The following GOPC variants were observed in gnomAD, a reference collection of about 807,000 sequenced individuals.
GOPC encodes the protein golgi associated PDZ and coiled-coil motif containing.
GOPC carries 32 observed loss-of-function variants against 51.2 expected under a neutral mutation model. The observed-to-expected ratio is 0.63, with a 90% CI of 0.47 to 0.84. The LOEUF (loss-of-function observed/expected upper bound fraction) is 0.84. Among genes scored for constraint, GOPC ranks in the 40% least tolerant of loss-of-function variants. The probability of loss-of-function intolerance (pLI) is 0.00; values close to 1 mark genes in which losing one functional copy is unlikely to be tolerated. For synonymous variants in GOPC, 190 were observed against 205.1 expected, an observed-to-expected ratio of 0.93 and a Z score of 0.63; for missense variants, 441 against 555.5, an observed-to-expected ratio of 0.79 and a Z score of 2.07.
At chr6:117,593,239 C>T (rs1471619502) in intron 1 of GOPC, among the ~76,000 whole-genome samples, 3 of 152,080 alleles carry the variant, frequency 2.0e-5, no homozygotes, top group African/African-American at 7.2e-5. Flanking sequence ...GACGTGGGCT[C>T]CTATTTTACA....
At chr6:117,575,629 G>T in intron 3 of GOPC, 1 of 571,678 alleles carries the variant, frequency 1.7e-6, no homozygotes, top group African/African-American at 1.8e-5. Flanking sequence ...AGTAAAAGTG[G>T]CTTCAATGGA....
chr6:117,569,080 T>G lies in GOPC; in HGVS notation c.1077+492A>C, dbSNP rs573132857. On this transcript the variant is annotated intron_variant, in intron 7 of 8. Coordinates refer to ENST00000368498, the MANE Select transcript of GOPC (RefSeq NM_020399.4). The stretch of plus-strand genomic sequence containing the variant: ...TGCTTGGCAACTTTGAGTAAATCCT[T>G]TCATCGCTAAGAACTTTAGTTTACT... Among the ~76,000 whole-genome samples the G allele has an allele frequency of 7.2e-5, 11 of 152,314 alleles. No individual in the cohort carries two copies. In the South Asian group the frequency reaches 2.3e-3, roughly 32 times the overall value.
Position 117,566,969 on chromosome 6 carries a change from T to C in GOPC, c.1143A>G (p.Val381=), listed in dbSNP as rs1779710791. The change falls in exon 8 of 9, where the codon GTA becomes GTG. Residue 381 remains valine, a synonymous_variant. Coordinates refer to ENST00000368498, the MANE Select transcript of GOPC (RefSeq NM_020399.4). The part of the protein sequence containing the change: ...APEVDSDDEN[V]EYEDESGHRY... The stretch of plus-strand genomic sequence containing the variant: ...GATGTCCACTCTCATCTTCATACTC[T>C]ACGTTTTCATCATCAGAATCCACTT... 1.2e-6 allele frequency: 2 copies of C among 1,610,242 alleles called. No homozygotes were observed. The highest frequency in any genetic ancestry group is 1.7e-6 in the Non-Finnish European group (2 of 1,178,310).
intron 1 of GOPC, among the ~76,000 whole-genome samples, chr6:117,585,050 A>G (rs528362550): frequency 1.3e-5 from 2 of 152,276 alleles, no homozygotes; most frequent in South Asian, 4.1e-4. Flanking sequence ...TCCCCATTTG[A>G]TATTTCTTTA....
At chr6:117,564,840 G>T (rs1406423961) in intron 8 of GOPC, among the ~76,000 whole-genome samples, 1 of 152,178 alleles carries the variant, frequency 6.6e-6, no homozygotes, top group African/African-American at 2.4e-5. Context: ...TTTTGCTCAA[G>T]ATGCACAGTG....
intron 5 of GOPC, among the ~76,000 whole-genome samples, chr6:117,572,401 ATCTT>A (rs1472379411): frequency 1.3e-5 from 2 of 152,190 alleles, no homozygotes; most frequent in Non-Finnish European, 2.9e-5. Context: ...TGACCATAGT[ATCTT>A]TCTAATATAT....
chr6:117,573,240 CAA>C (rs577003155), intron 5 of GOPC, among the ~76,000 whole-genome samples: 73 of 152,330 alleles, frequency 4.8e-4, no homozygotes, highest in African/African-American at 1.8e-3. Flanking sequence ...CATTTGCTAA[CAA>C]TGGCTCACTG....
Position 117,602,334 on chromosome 6 carries a change from C to G in GOPC, c.-46G>C. 1 of 1,507,496 alleles carries G rather than the reference C, an allele frequency of 6.6e-7. No individual in the cohort carries two copies. Among genetic ancestry groups the G allele is most frequent in the Non-Finnish European group, 8.8e-7 (1 of 1,136,982 alleles). 93.4% of individuals were successfully genotyped at this position (1,507,496 alleles called of 1,614,324 possible). A position where few individuals can be genotyped will look rare whatever the true frequency, so the allele number is the denominator to read the frequency against. ...CCGACTGCTGAAGACCCTCGCCGCC[C>G]CCCGCGCACGAAGGGAACTGCTGGG... On this transcript the variant is annotated 5_prime_UTR_variant, in exon 1 of 9. Transcript: ENST00000368498.
Position 117,602,308 on chromosome 6 carries a change from C to T in GOPC, c.-20G>A, listed in dbSNP as rs781649446. 3 of 1,569,506 alleles carry T rather than the reference C, an allele frequency of 1.9e-6. No homozygotes were observed. The highest frequency in any genetic ancestry group is 2.6e-6 in the Non-Finnish European group (3 of 1,165,994). ...CGACATGGCGCCGTCAAGGGCCTCT[C>T]CCGACTGCTGAAGACCCTCGCCGCC... On this transcript the variant is annotated 5_prime_UTR_variant, in exon 1 of 9. Coordinates refer to ENST00000368498, the MANE Select transcript of GOPC (RefSeq NM_020399.4).
intron 1 of GOPC, among the ~76,000 whole-genome samples, chr6:117,587,879 C>CTTT (rs879733530): frequency 6.9e-6 from 1 of 145,252 alleles, no homozygotes; most frequent in African/African-American, 2.5e-5. Flanking sequence ...TTTTGTTTTA[C>CTTT]TTTTTTTTTT....
At position 117,602,331 on chromosome 6, in the gene GOPC, G is replaced by GC. The variant is rs1562151639; in HGVS notation, c.-44dup. 3.3e-6 allele frequency: 5 copies of GC among 1,510,270 alleles called. No homozygotes were observed. The highest frequency in any genetic ancestry group is 1.4e-5 in the African/African-American group (1 of 71,842). The allele number at this position is 1,510,270 out of a possible 1,614,324, so 93.6% of individuals were successfully genotyped here. A position where few individuals can be genotyped will look rare whatever the true frequency, so the allele number is the denominator to read the frequency against. ...CTCCCGACTGCTGAAGACCCTCGCC[G>GC]CCCCCCGCGCACGAAGGGAACTGCT... is the stretch of plus-strand genomic sequence containing the variant. On this transcript the variant is annotated 5_prime_UTR_variant, in exon 1 of 9. Transcript: ENST00000368498.
chr6:117,578,741 T>C (rs1333233823), intron 2 of GOPC, 159 bp downstream of exon 2: 4 of 430,042 alleles, frequency 9.3e-6, no homozygotes, highest in African/African-American at 2.0e-5. Flanking sequence ...GGTGATGAGA[T>C]TGTAGATTAT....
Position 117,563,275 on chromosome 6 carries a change from C to T in GOPC, c.1368G>A (p.Leu456=), listed in dbSNP as rs1164667410. ...GASKLDDLHT[L]YHKKSY Reference sequence around the variant, plus strand: ...CAATTTAATAAGATTTTTTATGATACAGAGTGTGCAGATCATCTAATTTTG... The same window carrying T: ...CAATTTAATAAGATTTTTTATGATATAGAGTGTGCAGATCATCTAATTTTG... Residue 456 remains leucine (L), a synonymous_variant, in exon 9 of 9, where the codon CTG becomes CTA. Coordinates refer to ENST00000368498, the MANE Select transcript of GOPC (RefSeq NM_020399.4). 1.9e-6 allele frequency: 3 copies of T among 1,612,992 alleles called. No individual in the cohort carries two copies. In the East Asian group the frequency reaches 6.7e-5, roughly 36 times the overall value.
chr6:117,575,299 T>G lies in GOPC; in HGVS notation c.528A>C (p.Glu176Asp), dbSNP rs1430891217. 2 of 1,613,426 alleles carry G rather than the reference T, an allele frequency of 1.2e-6. No homozygotes were observed. Among genetic ancestry groups the G allele is most frequent in the African/African-American group, 1.3e-5 (1 of 74,910 alleles). Residue 176 changes from glutamate to aspartate, a missense_variant, in exon 4 of 9, where the codon GAA becomes GAC. This residue lies in a region of GOPC where 204 missense variants were observed against 219.8 expected (regional missense o/e 0.93). Transcript: ENST00000368498. ...CTTTTCTCAACAATTTCACTTCAGC[T>G]TCAAGTTGTGCTTCTTTCATTTTTT... ...KKEKMKEAQL[E>D]AEVKLLRKEN... is the part of the protein sequence containing the mutation.
intron 3 of GOPC, among the ~76,000 whole-genome samples, chr6:117,575,852 C>T (rs1025896204): frequency 6.6e-6 from 1 of 152,080 alleles, no homozygotes; most frequent in African/African-American, 2.4e-5. Context: ...TTCCCTATAC[C>T]CCCTTTGTCC....
chr6:117,599,908 G>A (rs994658244), intron 1 of GOPC, among the ~76,000 whole-genome samples: 2 of 152,046 alleles, frequency 1.3e-5, no homozygotes, highest in African/African-American at 4.8e-5. Context: ...CCTGTTTAAA[G>A]TTTCCTTAGG....
intron 1 of GOPC, among the ~76,000 whole-genome samples, chr6:117,593,765 A>G (rs561863572): frequency 6.6e-6 from 1 of 152,322 alleles, no homozygotes; most frequent in East Asian, 1.9e-4. Context: ...TGCTAATAAT[A>G]TAACACATTC....
intron 2 of GOPC, among the ~76,000 whole-genome samples, chr6:117,578,604 C>A (rs372731318): frequency 6.6e-6 from 1 of 151,828 alleles, no homozygotes; most frequent in Non-Finnish European, 1.5e-5. Context: ...TTTAATCCAA[C>A]TGATACAGTA....
chr6:117,579,454 A>C (rs891140793), intron 1 of GOPC, among the ~76,000 whole-genome samples: 2 of 152,114 alleles, frequency 1.3e-5, no homozygotes, highest in African/African-American at 4.8e-5. Flanking sequence ...TAACAGTATT[A>C]GAGAAGATGT....
Sources: allele counts gnomAD v4.1 joint callset (sites outside exome capture counted in the v4.1 genomes callset), GRCh38; gene constraint gnomAD v4.1.1; regional missense constraint gnomAD v4.1.1; transcripts MANE v1.5; gene names NCBI Gene and HGNC (gene_info 2026-07-23, HGNC 2026-07-21).